The following TCTN2 variants were observed in gnomAD, a reference collection of about 807,000 sequenced individuals.
TCTN2 encodes the protein tectonic family member 2.
TCTN2 carries 66 observed loss-of-function variants against 83.4 expected under a neutral mutation model. That is an observed-to-expected ratio of 0.79 (90% CI 0.65 to 0.97). The LOEUF is 0.97. TCTN2 is among the 50% of genes least tolerant of loss of function. The pLI, the probability that TCTN2 is intolerant of heterozygous loss-of-function variation, is 0.00. For missense variants in TCTN2, 794 were observed against 858.1 expected (o/e 0.93, Z 0.93); for synonymous variants, 301 against 326.7 (o/e 0.92, Z 0.85).
In TCTN2 at chr12:123,679,225, C is replaced by T. The variant is rs201140519; in HGVS notation, c.500C>T (p.Pro167Leu). 1.3e-4 allele frequency: 216 copies of T among 1,613,952 alleles called. No individual in the cohort carries two copies. The highest frequency in any genetic ancestry group is 9.2e-5 in the Non-Finnish European group (108 of 1,179,984). The change falls in exon 5 of 18, where the codon CCC becomes CTC. Residue 167 changes from proline to leucine, a missense_variant. Pro to Leu is a moderately conservative substitution (Grantham distance 98, BLOSUM62 -3). Coordinates refer to ENST00000303372, the MANE Select transcript of TCTN2 (RefSeq NM_024809.5). ...GTCATTCCTAACCAGGTGTATCAGC[C>T]CCTTGGCCCTTGTCCTTGTAATTTA... ...VTVIPNQVYQ[P>L]LGPCPCNLTA...
chr12:123,679,501 A>C (rs1213324219), intron 5 of TCTN2, among the ~76,000 whole-genome samples: 1 of 151,980 alleles, frequency 6.6e-6, no homozygotes, highest in Non-Finnish European at 1.5e-5. Flanking sequence ...AGCTGGGACC[A>C]CAGGCATGAA....
chr12:123,673,498 T>C, intron 3 of TCTN2, 117 bp from the exon 4 acceptor site: 2 of 995,994 alleles, frequency 2.0e-6, no homozygotes, highest in Non-Finnish European at 3.2e-6. Context: ...TCTGTATACA[T>C]TTCCCTTTTA....
chr12:123,696,123 C>T (rs973440319), intron 11 of TCTN2: 25 of 382,070 alleles, frequency 6.5e-5, no homozygotes, highest in Non-Finnish European at 9.5e-5. Flanking sequence ...GGATTACAGG[C>T]GTGAGCCACT....
intron 4 of TCTN2, among the ~76,000 whole-genome samples, chr12:123,674,949 C>T (rs1007543848): frequency 6.6e-6 from 1 of 152,138 alleles, no homozygotes; most frequent in Non-Finnish European, 1.5e-5. Context: ...ACGATCCTGG[C>T]TTGCTGCAGC....
chr12:123,690,509 G>C, intron 7 of TCTN2, 24 bp from the exon 8 acceptor site: 1 of 1,614,158 alleles, frequency 6.2e-7, no homozygotes, highest in Non-Finnish European at 8.5e-7. Context: ...CCATAAATCT[G>C]TTGGCTTTGC....
chr12:123,694,744 G>A (rs1367931393), intron 9 of TCTN2, 98 bp from the exon 10 acceptor site: 3 of 1,330,926 alleles, frequency 2.3e-6, no homozygotes, highest in Non-Finnish European at 3.2e-6. Flanking sequence ...CAGGGGCAGG[G>A]CACTTGGGGA....
intron 8 of TCTN2, 104 bp downstream of exon 8, chr12:123,690,778 A>G: frequency 7.2e-7 from 1 of 1,383,784 alleles, no homozygotes; most frequent in Non-Finnish European, 1.0e-6. Flanking sequence ...TTCAAATAAT[A>G]TTTGAACTGC....
intron 4 of TCTN2, among the ~76,000 whole-genome samples, chr12:123,676,005 G>A (rs1235892605): frequency 6.6e-6 from 1 of 152,192 alleles, no homozygotes; most frequent in Non-Finnish European, 1.5e-5. Flanking sequence ...TTGAGGCCAG[G>A]TGGTGGCTCA....
chr12:123,697,172 G>A lies in TCTN2; in HGVS notation c.1479G>A (p.Gly493=). 1 of 1,613,926 alleles carries A rather than the reference G, an allele frequency of 6.2e-7. No homozygotes were observed. Among genetic ancestry groups the A allele is most frequent in the Non-Finnish European group, 8.5e-7 (1 of 1,179,878 alleles). The part of the protein sequence containing the change: ...NVLSGCLLEV[G]INENCTQLRE... ...TCTCTGGATGCCTGTTAGAAGTCGGGATTAATGAAAATTGTACTCAGCTCA... is the reference window on the plus strand; with the variant it reads ...TCTCTGGATGCCTGTTAGAAGTCGGAATTAATGAAAATTGTACTCAGCTCA... The change falls in exon 13 of 18, where the codon GGG becomes GGA. Residue 493 remains glycine, a synonymous_variant. Transcript: ENST00000303372.
At chr12:123,696,010 AT>A (rs907346785) in intron 11 of TCTN2, 14 of 218,682 alleles carry the variant, frequency 6.4e-5, no homozygotes, top group African/African-American at 3.3e-4. Flanking sequence ...CCCTCAGCAA[AT>A]TTTTGTACTT....
rs200080239 is a variant in TCTN2 at position 123,694,907 on chromosome 12, T to G, written c.1165T>G (p.Trp389Gly). Residue 389 changes from tryptophan (W) to glycine (G), a missense_variant, in exon 10 of 18, where the codon TGG (tryptophan) becomes GGG (glycine). Physicochemically the swap from Trp to Gly is radical, Grantham distance 184. Transcript: ENST00000303372. ...TGTGGAAGAACATTATATTTTCAAA[T>G]GGAATAATAATACCATCAGTGAAAT... is the stretch of plus-strand genomic sequence containing the variant. Reference protein sequence around the residue: ...VNVEEHYIFKWNNNTISEINV... With the variant: ...VNVEEHYIFKGNNNTISEINV... 1.2e-6 allele frequency: 2 copies of G among 1,613,314 alleles called. No individual in the cohort carries two copies. Among genetic ancestry groups the G allele is most frequent in the Admixed American group, 3.3e-5 (2 of 59,984 alleles).
chr12:123,691,718 TG>T (rs1956043112), intron 8 of TCTN2, among the ~76,000 whole-genome samples: 1 of 148,996 alleles, frequency 6.7e-6, no homozygotes, highest in South Asian at 2.1e-4. Context: ...CCCACCAAAT[TG>T]TTTTTTTTTT....
intron 8 of TCTN2, among the ~76,000 whole-genome samples, chr12:123,691,163 C>T (rs985286023): frequency 2.6e-5 from 4 of 152,162 alleles, no homozygotes; most frequent in African/African-American, 9.7e-5. Flanking sequence ...GCCATCGCGT[C>T]CCACCAGAAT....
intron 7 of TCTN2, among the ~76,000 whole-genome samples, chr12:123,688,534 T>C (rs1050796065): frequency 2.6e-5 from 4 of 151,704 alleles, no homozygotes; most frequent in African/African-American, 4.8e-5. Context: ...TTCTTTTATT[T>C]TTCCTGTCCT....
Position 123,701,227 on chromosome 12 carries a change from T to A in TCTN2, c.1612+1417T>A, listed in dbSNP as rs543875628. 5.3e-5 allele frequency among the ~76,000 whole-genome samples: 8 copies of A among 152,238 alleles called. No homozygotes were observed. In the South Asian group the frequency reaches 1.5e-3, roughly 28 times the overall value. Reference sequence around the variant, plus strand: ...GCAATGTATAGAGACAGCAGATTAGTGGATGCCGGAGGTGGAGGAGTTGGG... The same window carrying A: ...GCAATGTATAGAGACAGCAGATTAGAGGATGCCGGAGGTGGAGGAGTTGGG... On this transcript the variant is annotated intron_variant, in intron 14 of 17. Transcript: ENST00000303372.
At chr12:123,695,376 G>C in intron 11 of TCTN2, 79 bp downstream of exon 11, 2 of 953,360 alleles carry the variant, frequency 2.1e-6, no homozygotes, top group Non-Finnish European at 3.4e-6. Context: ...ATGGTTATAA[G>C]TAACTCTCTC....
chr12:123,696,066 A>T (rs967112249), intron 11 of TCTN2: 1 of 316,928 alleles, frequency 3.2e-6, no homozygotes, highest in Non-Finnish European at 6.1e-6. Context: ...CTGGTCTCGA[A>T]CTCCTGACCT....
At chr12:123,677,500 G>C (rs12820195) in intron 4 of TCTN2, among the ~76,000 whole-genome samples, 54,346 of 152,102 alleles carry the variant, frequency 0.36, 10,194 homozygotes, top group African/African-American at 0.41. Context: ...TGATTGGAGA[G>C]AAATCCAAAG....
At chr12:123,672,212 C>A in intron 3 of TCTN2, 80 bp downstream of exon 3, 1 of 1,208,990 alleles carries the variant, frequency 8.3e-7, no homozygotes, top group Non-Finnish European at 1.2e-6. Context: ...CTTTATTTAA[C>A]AAGGCATGGC....
Sources: gnomAD v4.1 joint callset for allele counts (sites outside exome capture counted in the v4.1 genomes callset) on GRCh38, gnomAD v4.1.1 for gene constraint, MANE v1.5 for transcripts, NCBI Gene and HGNC (gene_info 2026-07-23, HGNC 2026-07-21) for gene names.